Variants in ARHGAP44 observed in about 807,000 individuals in gnomAD.
ARHGAP44 encodes the protein Rho GTPase activating protein 44.
Under a neutral mutation model 106.8 loss-of-function variants are expected in ARHGAP44, and 43 were observed. The ratio of observed to expected loss-of-function variants is 0.40; its 90% CI spans 0.32 to 0.52. ARHGAP44 has a LOEUF of 0.52. Ranked by LOEUF, ARHGAP44 falls within the 20% of genes least tolerant of loss-of-function variation. The probability of loss-of-function intolerance (pLI) is 0.48; values close to 1 mark genes in which losing one functional copy is unlikely to be tolerated. For synonymous variants in ARHGAP44, 439 were observed against 410.3 expected, an observed-to-expected ratio of 1.07 and a Z score of -0.85; for missense variants, 866 against 1,050.5, an observed-to-expected ratio of 0.82 and a Z score of 2.43.
intron 1 of ARHGAP44, among the ~76,000 whole-genome samples, chr17:12,841,594 T>TGTCTCTCTCTCACACACA (rs1555546085): frequency 1.6e-5 from 2 of 126,510 alleles, no homozygotes; most frequent in African/African-American, 7.0e-5. Context: ...TGTCTCTCTC[T>TGTCTCTCTCTCACACACA]CACACACACA....
At chr17:12,847,412 C>T (rs1440789715) in intron 1 of ARHGAP44, among the ~76,000 whole-genome samples, 3 of 151,506 alleles carry the variant, frequency 2.0e-5, no homozygotes, top group South Asian at 2.1e-4. Flanking sequence ...GGGAGAGATT[C>T]GGGGAGAGGG....
At chr17:12,794,612 C>T (rs570161859) in intron 1 of ARHGAP44, among the ~76,000 whole-genome samples, 11 of 152,028 alleles carry the variant, frequency 7.2e-5, no homozygotes, top group South Asian at 2.1e-4. Context: ...CTGGTTGGGT[C>T]GGGTTGAATT....
At chr17:12,802,927 TTATATATATATA>T (rs1159214788) in intron 1 of ARHGAP44, among the ~76,000 whole-genome samples, 804 of 29,184 alleles carry the variant, frequency 0.028, 22 homozygotes, top group South Asian at 0.033. Context: ...CCTGGCTAAT[TTATATATATATA>T]TATATATATA....
intron 1 of ARHGAP44, among the ~76,000 whole-genome samples, chr17:12,846,194 TCTA>T (rs1567645425): frequency 1.3e-5 from 2 of 152,128 alleles, no homozygotes; most frequent in Admixed American, 6.5e-5. Flanking sequence ...GGAATTAAAA[TCTA>T]CTAAAGATTT....
At chr17:12,939,252 T>C (rs908896371) in intron 7 of ARHGAP44, among the ~76,000 whole-genome samples, 12 of 152,094 alleles carry the variant, frequency 7.9e-5, no homozygotes. Flanking sequence ...CCTTGATTTT[T>C]TTTTTCATCT....
At chr17:12,874,865 T>C (rs2036506470) in intron 1 of ARHGAP44, among the ~76,000 whole-genome samples, 2 of 150,804 alleles carry the variant, frequency 1.3e-5, no homozygotes, top group African/African-American at 4.9e-5. Flanking sequence ...CGAAGGATTG[T>C]CTGGGGAAAA....
chr17:12,789,905 G>C lies in ARHGAP44; in HGVS notation c.53+14G>C, dbSNP rs963991565. On this transcript the variant is annotated intron_variant, in intron 1 of 20. Transcript: ENST00000379672. The stretch of plus-strand genomic sequence containing the variant: ...GACGGTGGGCAGGTAGGTCACCCGC[G>C]GGCACCGCTGTCGGTGCGCGCCCGC... 6 of 1,512,300 alleles carry C rather than the reference G, an allele frequency of 4.0e-6. No individual in the cohort carries two copies. Among genetic ancestry groups the C allele is most frequent in the Non-Finnish European group, 5.3e-6 (6 of 1,132,318 alleles). The allele number at this position is 1,512,300 out of a possible 1,614,324, so 93.7% of individuals were successfully genotyped here.
intron 16 of ARHGAP44, among the ~76,000 whole-genome samples, chr17:12,970,365 CAAAAAAAAAA>C (rs66577680): frequency 1.1e-4 from 6 of 55,194 alleles, no homozygotes; most frequent in South Asian, 8.1e-4. Context: ...GACCCTGTCT[CAAAAAAAAAA>C]AAAAAAAAAA....
intron 4 of ARHGAP44, among the ~76,000 whole-genome samples, chr17:12,913,110 A>G (rs1239590617): frequency 3.9e-5 from 6 of 152,210 alleles, no homozygotes; most frequent in Admixed American, 3.3e-4. Flanking sequence ...CAAGAAGATG[A>G]AATTCATTTA....
chr17:12,901,651 TC>T (rs1236898551), intron 3 of ARHGAP44, among the ~76,000 whole-genome samples: 2 of 151,946 alleles, frequency 1.3e-5, no homozygotes, highest in African/African-American at 4.8e-5. Flanking sequence ...GACTGTTGAA[TC>T]CATGGGAGCT....
chr17:12,813,914 G>A (rs1428168292), intron 1 of ARHGAP44, among the ~76,000 whole-genome samples: 5 of 152,144 alleles, frequency 3.3e-5, no homozygotes, highest in Middle Eastern at 3.2e-3. Context: ...ACTGTCTGCC[G>A]TCGTGACTCA....
intron 1 of ARHGAP44, among the ~76,000 whole-genome samples, chr17:12,864,605 G>A (rs531079998): frequency 2.4e-3 from 373 of 152,254 alleles, no homozygotes; most frequent in Non-Finnish European, 3.6e-3. Context: ...GGGATCACAC[G>A]ACTGTGACTA....
chr17:12,875,803 G>A (rs1009071053), intron 1 of ARHGAP44, among the ~76,000 whole-genome samples: 1 of 152,150 alleles, frequency 6.6e-6, no homozygotes, highest in African/African-American at 2.4e-5. Context: ...AATTAGCCAG[G>A]CATGGTGGCA....
At chr17:12,939,774 T>G (rs1041624828) in intron 7 of ARHGAP44, among the ~76,000 whole-genome samples, 1 of 152,200 alleles carries the variant, frequency 6.6e-6, no homozygotes, top group African/African-American at 2.4e-5. Context: ...CCAATGAATC[T>G]TAACTTCTTT....
chr17:12,837,585 G>A (rs1352652056), intron 1 of ARHGAP44, among the ~76,000 whole-genome samples: 1 of 152,030 alleles, frequency 6.6e-6, no homozygotes, highest in Non-Finnish European at 1.5e-5. Context: ...TAAGTCATGG[G>A]GAGGGTAACT....
At chr17:12,915,485 A>C (rs79968530) in intron 4 of ARHGAP44, among the ~76,000 whole-genome samples, 1 of 151,962 alleles carries the variant, frequency 6.6e-6, no homozygotes, top group African/African-American at 2.4e-5. Context: ...TACTAATTAC[A>C]TTTTCGTGGC....
At chr17:12,874,084 C>T (rs928762761) in intron 1 of ARHGAP44, among the ~76,000 whole-genome samples, 1 of 152,084 alleles carries the variant, frequency 6.6e-6, no homozygotes, top group African/African-American at 2.4e-5. Flanking sequence ...TCATGTCTGC[C>T]ATTTCTGCAG....
intron 6 of ARHGAP44, among the ~76,000 whole-genome samples, chr17:12,921,263 C>T (rs930287970): frequency 2.6e-5 from 4 of 152,126 alleles, no homozygotes; most frequent in East Asian, 3.9e-4. Flanking sequence ...CACAGGGTTC[C>T]GCCACGTTGG....
At chr17:12,943,820 C>T (rs1321155444) in intron 9 of ARHGAP44, among the ~76,000 whole-genome samples, 151 bp downstream of exon 9, 2 of 152,110 alleles carry the variant, frequency 1.3e-5, no homozygotes, top group African/African-American at 2.4e-5. Context: ...CAAACTGGTG[C>T]CTTGAGTCGG....
Sources: gnomAD v4.1 joint callset for allele counts (sites outside exome capture counted in the v4.1 genomes callset) on GRCh38, gnomAD v4.1.1 for gene constraint, MANE v1.5 for transcripts, NCBI Gene and HGNC (gene_info 2026-07-23, HGNC 2026-07-21) for gene names.